Variants in RASSF3 observed in about 807,000 individuals in gnomAD.
The protein encoded by RASSF3 is Ras association domain family member 3.
In RASSF3, 19 loss-of-function variants were observed where a neutral mutation model predicts 19.9. The observed-to-expected ratio is 0.96, with a 90% confidence interval of 0.67 to 1.40. The LOEUF (loss-of-function observed/expected upper bound fraction) is 1.40. Among genes scored for constraint, RASSF3 ranks in the 40% most tolerant of loss-of-function variants. The pLI, the probability that RASSF3 is intolerant of heterozygous loss-of-function variation, is 0.00. For synonymous variants in RASSF3, 110 were observed against 104.2 expected (o/e 1.06, Z -0.34); for missense variants, 306 against 289.8 (o/e 1.06, Z -0.41).
intron 1 of RASSF3, among the ~76,000 whole-genome samples, chr12:64,619,807 C>T (rs1377176457): frequency 6.6e-6 from 1 of 151,864 alleles, no homozygotes; most frequent in African/African-American, 2.4e-5. Flanking sequence ...TAGTGAAACC[C>T]CGTCTCTACT....
At chr12:64,536,712 A>T (rs1868834928) in intron 1 of RASSF3, among the ~76,000 whole-genome samples, 1 of 152,254 alleles carries the variant, frequency 6.6e-6, no homozygotes, top group African/African-American at 2.4e-5. Context: ...ATAGGATTTC[A>T]GTTCTAGTTC....
At chr12:64,593,829 T>C (rs952270704) in intron 2 of RASSF3, among the ~76,000 whole-genome samples, 2 of 151,740 alleles carry the variant, frequency 1.3e-5, no homozygotes, top group Admixed American at 1.3e-4. Context: ...CTGGCCAACA[T>C]GGTGAAAGCC....
intron 2 of RASSF3, among the ~76,000 whole-genome samples, chr12:64,559,242 T>C (rs12227475): frequency 0.081 from 12,159 of 149,888 alleles, 564 homozygotes; most frequent in South Asian, 0.13. Context: ...TTTCTTCTTT[T>C]TTTCTTTTTT....
chr12:64,536,649 A>G (rs1211735761), intron 1 of RASSF3, among the ~76,000 whole-genome samples: 2 of 152,216 alleles, frequency 1.3e-5, no homozygotes. Context: ...TGGAATAAGG[A>G]ATTGAAATGA....
intron 1 of RASSF3, among the ~76,000 whole-genome samples, chr12:64,612,330 TCTC>T (rs748742613): frequency 1.3e-5 from 2 of 152,126 alleles, no homozygotes; most frequent in Non-Finnish European, 2.9e-5. Context: ...TGTCTGCTAA[TCTC>T]CTGAAAACTG....
At chr12:64,652,618 T>C (rs1472813404) in intron 1 of RASSF3, among the ~76,000 whole-genome samples, 1 of 152,194 alleles carries the variant, frequency 6.6e-6, no homozygotes, top group African/African-American at 2.4e-5. Flanking sequence ...TCTGGGAGTG[T>C]CCAATCCAGA....
chr12:64,530,463 A>G (rs904930939), upstream of RASSF3, among the ~76,000 whole-genome samples: 5 of 151,770 alleles, frequency 3.3e-5, no homozygotes, highest in African/African-American at 7.3e-5. Flanking sequence ...CAATTTATCT[A>G]TTTTCCTGTT....
At chr12:64,622,195 C>T (rs551104528) in intron 1 of RASSF3, among the ~76,000 whole-genome samples, 1 of 151,304 alleles carries the variant, frequency 6.6e-6, no homozygotes, top group East Asian at 2.0e-4. Context: ...GGATTACAGG[C>T]ATGCACCACC....
chr12:64,634,188 T>C (rs1871252692), intron 1 of RASSF3, among the ~76,000 whole-genome samples: 1 of 152,162 alleles, frequency 6.6e-6, no homozygotes, highest in African/African-American at 2.4e-5. Context: ...TGGTGTTGGC[T>C]GTTGTTTCTG....
At chr12:64,640,259 G>T (rs377364846) in intron 1 of RASSF3, among the ~76,000 whole-genome samples, 2 of 152,120 alleles carry the variant, frequency 1.3e-5, no homozygotes, top group African/African-American at 4.8e-5. Flanking sequence ...CACACTCAAG[G>T]TCATAAACAT....
chr12:64,637,423 C>CTTT (rs781748041), intron 1 of RASSF3, among the ~76,000 whole-genome samples: 9 of 132,510 alleles, frequency 6.8e-5, no homozygotes, highest in East Asian at 2.2e-4. Flanking sequence ...TAGTTTCTTT[C>CTTT]TTTTTTTTTT....
At chr12:64,556,439 T>C (rs1045864532) in intron 2 of RASSF3, among the ~76,000 whole-genome samples, 1 of 152,026 alleles carries the variant, frequency 6.6e-6, no homozygotes, top group African/African-American at 2.4e-5. Flanking sequence ...ATTACAGGGG[T>C]GTAATCCTGC....
intron 1 of RASSF3, among the ~76,000 whole-genome samples, chr12:64,635,850 G>C (rs1871311735): frequency 6.6e-6 from 1 of 152,188 alleles, no homozygotes; most frequent in African/African-American, 2.4e-5. Flanking sequence ...GTTAAAGTAA[G>C]CCTAGACGGA....
downstream of RASSF3, among the ~76,000 whole-genome samples, chr12:64,544,242 G>A (rs1425424240): frequency 6.6e-6 from 1 of 151,788 alleles, no homozygotes; most frequent in Non-Finnish European, 1.5e-5. Flanking sequence ...CGAACCCACC[G>A]GGAGGAATGA....
intron 1 of RASSF3, among the ~76,000 whole-genome samples, chr12:64,669,588 C>A (rs549497965): frequency 6.6e-6 from 1 of 152,072 alleles, no homozygotes; most frequent in African/African-American, 2.4e-5. Context: ...TTCTCTTTTT[C>A]TTTTCTCTGC....
intron 1 of RASSF3, among the ~76,000 whole-genome samples, chr12:64,650,438 A>C (rs867329052): frequency 8.8e-6 from 1 of 114,190 alleles, no homozygotes; most frequent in African/African-American, 3.8e-5. Context: ...TTTTTGAGAC[A>C]GAGTCTTGCA....
chr12:64,543,433 GCC>G (rs1868981657), downstream of RASSF3, among the ~76,000 whole-genome samples: 4 of 13,102 alleles, frequency 3.1e-4, no homozygotes, highest in Non-Finnish European at 6.7e-4. Flanking sequence ...CTCCCCGCCC[GCC>G]CCCCCCGTGC....
At chr12:64,691,012 C>T (rs1485684819) in intron 3 of RASSF3, among the ~76,000 whole-genome samples, 1 of 152,114 alleles carries the variant, frequency 6.6e-6, no homozygotes, top group African/African-American at 2.4e-5. Context: ...AGGTGCCCGC[C>T]ACCACGCCCG....
At chr12:64,618,622 C>T (rs545954307) in intron 1 of RASSF3, among the ~76,000 whole-genome samples, 21 of 151,268 alleles carry the variant, frequency 1.4e-4, no homozygotes, top group African/African-American at 4.4e-4. Flanking sequence ...CCACCACGCC[C>T]GGCCTTTTGT....
Sources: allele counts gnomAD v4.1 joint callset (sites outside exome capture counted in the v4.1 genomes callset), GRCh38; gene constraint gnomAD v4.1.1; transcripts MANE v1.5; gene names NCBI Gene and HGNC (gene_info 2026-07-23, HGNC 2026-07-21).